CMPK1: variants seen among roughly 807,000 people sequenced by gnomAD.
CMPK1 encodes the protein UMP-CMP kinase.
CMPK1 carries 10 observed loss-of-function variants against 25.7 expected under a neutral mutation model. The observed-to-expected ratio is 0.39, with a 90% CI of 0.24 to 0.66. The LOEUF is 0.66. Among genes scored for constraint, CMPK1 ranks in the 30% least tolerant of loss-of-function variants. The probability of loss-of-function intolerance (pLI) is 0.48; values close to 1 mark genes in which losing one functional copy is unlikely to be tolerated. For missense variants in CMPK1, 199 were observed against 280.5 expected (o/e 0.71, Z 2.08); for synonymous variants, 106 against 101.5 (o/e 1.04, Z -0.27).
In CMPK1 at chr1:47,371,836, G is replaced by A. The variant is rs553298168; in HGVS notation, c.319-1119G>A. ...AGGCCTTTATTTGAATGTCTCACAA[G>A]TGTCTCAAAATCAACATGTCAGAGG... On this transcript the variant is annotated intron_variant, in intron 2 of 5. Transcript: ENST00000371873. Among the ~76,000 whole-genome samples, 3 of 152,216 alleles carry A rather than the reference G, an allele frequency of 2.0e-5. No individual in the cohort carries two copies. In the East Asian group the frequency reaches 5.8e-4, roughly 29 times the overall value.
chr1:47,346,982 C>T (rs981689090), intron 1 of CMPK1, among the ~76,000 whole-genome samples: 10 of 152,048 alleles, frequency 6.6e-5, no homozygotes, highest in African/African-American at 1.9e-4. Context: ...CGGGTTTCAC[C>T]GCGTTGGCCA....
chr1:47,338,010 C>T (rs1646412139), intron 1 of CMPK1, among the ~76,000 whole-genome samples: 1 of 152,002 alleles, frequency 6.6e-6, no homozygotes, highest in African/African-American at 2.4e-5. Context: ...CAATTATAAA[C>T]TAAATTCCAA....
At chr1:47,342,207 G>A (rs1238748186) in intron 1 of CMPK1, among the ~76,000 whole-genome samples, 3 of 151,740 alleles carry the variant, frequency 2.0e-5, no homozygotes, top group African/African-American at 7.3e-5. Flanking sequence ...TCAGCCTCCC[G>A]AGTAGCTGGG....
intron 3 of CMPK1, among the ~76,000 whole-genome samples, chr1:47,374,022 T>C (rs1646692603): frequency 6.6e-6 from 1 of 152,186 alleles, no homozygotes; most frequent in East Asian, 1.9e-4. Flanking sequence ...ATTGTAAATG[T>C]GCCCCTGGTG....
chr1:47,346,420 T>G (rs1417487256), intron 1 of CMPK1, among the ~76,000 whole-genome samples: 1 of 152,174 alleles, frequency 6.6e-6, no homozygotes, highest in Non-Finnish European at 1.5e-5. Context: ...TGTGTACTGT[T>G]TCTCATACGC....
chr1:47,364,210 GGA>G (rs1646623230), intron 1 of CMPK1, among the ~76,000 whole-genome samples: 1 of 152,172 alleles, frequency 6.6e-6, no homozygotes, highest in Non-Finnish European at 1.5e-5. Context: ...GTAGTCTTAT[GGA>G]GAATGCAACA....
rs374502290 is a variant in CMPK1 at position 47,373,081 on chromosome 1, G to A, written c.445G>A (p.Val149Ile). Residue 149 changes from valine (V) to isoleucine (I), a missense_variant, in exon 3 of 6, where the codon GTT (valine) becomes ATT (isoleucine). Around this residue, in one of 2 missense-constraint regions of CMPK1, gnomAD observed 140 missense variants for 235.5 expected, o/e 0.59. Coordinates refer to ENST00000371873, the MANE Select transcript of CMPK1 (RefSeq NM_016308.3). ...GGATGGGAAGGCAGATGTATCTTTCGTTCTCTTTTTTGACTGTAATAATGA... is the reference window on the plus strand; with the variant it reads ...GGATGGGAAGGCAGATGTATCTTTCATTCTCTTTTTTGACTGTAATAATGA... ...TMDGKADVSF[V>I]LFFDCNNEIC... The A allele has an allele frequency of 1.8e-5, 29 of 1,607,314 alleles. No individual in the cohort carries two copies. In the African/African-American group the frequency reaches 2.4e-4, roughly 13 times the overall value.
chr1:47,361,186 C>G (rs1272057324), intron 1 of CMPK1, among the ~76,000 whole-genome samples: 1 of 152,032 alleles, frequency 6.6e-6, no homozygotes, highest in Non-Finnish European at 1.5e-5. Context: ...GTCAAGTGAT[C>G]AAGACCATCC....
intron 1 of CMPK1, among the ~76,000 whole-genome samples, chr1:47,351,848 G>A (rs530125140): frequency 6.6e-6 from 1 of 150,676 alleles, no homozygotes; most frequent in South Asian, 2.1e-4. Flanking sequence ...TTAAAAAATT[G>A]TCTTTGGCCG....
intron 1 of CMPK1, chr1:47,358,887 A>G: frequency 1.0e-6 from 1 of 985,256 alleles, no homozygotes; most frequent in Non-Finnish European, 1.2e-6. Flanking sequence ...GAGATACTAA[A>G]ATGTGATTAT....
chr1:47,334,077 C>T lies in CMPK1; in HGVS notation c.132C>T (p.Pro44=). ...KPLVVFVLGG[P]GAGKGTQCAR... ...TGGTCGTGTTCGTCCTCGGCGGCCC[C>T]GGCGCCGGCAAGGGGACCCAGTGCG... is the stretch of plus-strand genomic sequence containing the variant. Residue 44 remains proline, a synonymous_variant, in exon 1 of 6, where the codon CCC becomes CCT. Transcript: ENST00000371873. The T allele has an allele frequency of 6.5e-7, 1 of 1,539,076 alleles. No homozygotes were observed. Among genetic ancestry groups the T allele is most frequent in the Non-Finnish European group, 8.8e-7 (1 of 1,141,832 alleles).
rs190208272 is a variant in CMPK1 at position 47,357,258 on chromosome 1, C to T, written c.172-11211C>T. ...CTGAGATTACAGGCGTGAGCCACCG[C>T]GCCCAGCCCTGCCTTCTTTTTATGA... On this transcript the variant is annotated intron_variant, in intron 1 of 5. Transcript: ENST00000371873. Among the ~76,000 whole-genome samples the T allele has an allele frequency of 6.6e-4, 101 of 152,220 alleles. 1 individual carries two copies. The highest frequency in any genetic ancestry group is 2.2e-3 in the African/African-American group (92 of 41,544).
intron 1 of CMPK1, among the ~76,000 whole-genome samples, chr1:47,340,457 T>TA (rs1646433383): frequency 6.6e-6 from 1 of 152,190 alleles, no homozygotes; most frequent in Non-Finnish European, 1.5e-5. Context: ...ATTTCTCATG[T>TA]AACACTTTTG....
At chr1:47,363,635 C>T (rs1646618745) in intron 1 of CMPK1, among the ~76,000 whole-genome samples, 1 of 149,070 alleles carries the variant, frequency 6.7e-6, no homozygotes, top group Non-Finnish European at 1.5e-5. Context: ...GAGACTCCGC[C>T]TCAAAAACAA....
chr1:47,373,860 G>T (rs1277980820), intron 3 of CMPK1, among the ~76,000 whole-genome samples: 1 of 151,642 alleles, frequency 6.6e-6, no homozygotes, highest in Non-Finnish European at 1.5e-5. Flanking sequence ...AAATGATCTT[G>T]AAAAAAGTAA....
At chr1:47,334,171 C>G in intron 1 of CMPK1, 55 bp downstream of exon 1, 4 of 1,337,656 alleles carry the variant, frequency 3.0e-6, no homozygotes, top group Middle Eastern at 2.8e-4. Flanking sequence ...GCGGGCCGGC[C>G]TGTCCCGCCG....
chr1:47,363,072 C>A (rs2149332006), intron 1 of CMPK1, among the ~76,000 whole-genome samples: 1 of 152,234 alleles, frequency 6.6e-6, no homozygotes, highest in South Asian at 2.1e-4. Flanking sequence ...TATCATATGT[C>A]TTATTTATAT....
chr1:47,345,017 C>T (rs1273975397), intron 1 of CMPK1, among the ~76,000 whole-genome samples: 1 of 148,828 alleles, frequency 6.7e-6, no homozygotes, highest in Non-Finnish European at 1.5e-5. Flanking sequence ...CCTGGGTTCA[C>T]GCGATTCTCC....
intron 1 of CMPK1, among the ~76,000 whole-genome samples, chr1:47,359,536 C>T (rs1393657254): frequency 2.0e-5 from 3 of 150,800 alleles, no homozygotes; most frequent in Non-Finnish European, 4.4e-5. Context: ...TACAGGTGCC[C>T]GCCACCACGC....
Sources: allele counts gnomAD v4.1 joint callset (sites outside exome capture counted in the v4.1 genomes callset), GRCh38; gene constraint gnomAD v4.1.1; regional missense constraint gnomAD v4.1.1; transcripts MANE v1.5; gene names NCBI Gene and HGNC (gene_info 2026-07-23, HGNC 2026-07-21).